Variants in DLGAP2 observed in about 807,000 individuals in gnomAD.
DLGAP2 encodes the protein disks large-associated protein 2.
DLGAP2 carries 26 observed loss-of-function variants against 100.3 expected under a neutral mutation model. That is an observed-to-expected ratio of 0.26 (90% CI 0.19 to 0.36). The LOEUF (loss-of-function observed/expected upper bound fraction) is 0.36, where lower values mean the gene tolerates loss of function less well. Ranked by LOEUF, DLGAP2 falls within the 10% of genes least tolerant of loss-of-function variation. The probability of loss-of-function intolerance (pLI) is 1.00; values close to 1 mark genes in which losing one functional copy is unlikely to be tolerated. For synonymous variants in DLGAP2, 886 were observed against 630.1 expected (o/e 1.41, Z -6.08); for missense variants, 1,858 against 1,453.2 (o/e 1.28, Z -4.53).
intron 8 of DLGAP2, among the ~76,000 whole-genome samples, chr8:1,642,751 G>A (rs368358315): frequency 5.6e-5 from 1 of 17,870 alleles, no homozygotes; most frequent in East Asian, 1.2e-3. Flanking sequence ...CGAACCCGCC[G>A]GCCCTCACCT....
chr8:1,045,488 A>G (rs1232278531), intron 2 of DLGAP2, among the ~76,000 whole-genome samples: 2 of 152,096 alleles, frequency 1.3e-5, no homozygotes, highest in African/African-American at 4.8e-5. Context: ...ACACACTATC[A>G]TTTTCTTGGA....
intron 2 of DLGAP2, among the ~76,000 whole-genome samples, chr8:998,086 C>T (rs777790007): frequency 1.3e-5 from 2 of 151,208 alleles, no homozygotes; most frequent in Non-Finnish European, 3.0e-5. Flanking sequence ...TGCACACACC[C>T]GTGTCTGCAC....
chr8:787,189 G>A (rs1258214980), intron 1 of DLGAP2, among the ~76,000 whole-genome samples: 1 of 152,134 alleles, frequency 6.6e-6, no homozygotes, highest in Non-Finnish European at 1.5e-5. Flanking sequence ...AGCCTCAGCT[G>A]GTCCTTCCTT....
chr8:1,264,953 C>T (rs1383006992), intron 3 of DLGAP2, among the ~76,000 whole-genome samples: 1 of 152,180 alleles, frequency 6.6e-6, no homozygotes, highest in African/African-American at 2.4e-5. Flanking sequence ...TGGTCTCTTG[C>T]CTGCTGCCAT....
intron 3 of DLGAP2, among the ~76,000 whole-genome samples, chr8:1,298,372 G>A (rs1030885899): frequency 9.2e-5 from 14 of 152,154 alleles, no homozygotes; most frequent in South Asian, 2.1e-4. Flanking sequence ...TGATGGCCCC[G>A]CACCTGGCAC....
intron 3 of DLGAP2, among the ~76,000 whole-genome samples, chr8:1,477,196 G>A (rs1373530083): frequency 2.0e-5 from 3 of 152,198 alleles, no homozygotes; most frequent in East Asian, 3.9e-4. Context: ...GGGTGGATGC[G>A]CACCTGTCCA....
intron 3 of DLGAP2, among the ~76,000 whole-genome samples, chr8:1,500,177 G>A (rs1291448623): frequency 6.6e-6 from 1 of 152,236 alleles, no homozygotes; most frequent in African/African-American, 2.4e-5. Flanking sequence ...TAAATAACAT[G>A]TTTACATGCA....
chr8:1,337,199 GTGA>G lies in DLGAP2; in HGVS notation c.106+78322_106+78324del, dbSNP rs1412911933. Among the ~76,000 whole-genome samples the G allele has an allele frequency of 1.3e-3, 88 of 67,114 alleles. 1 individual carries two copies. Among genetic ancestry groups the G allele is most frequent in the Admixed American group, 9.4e-3 (78 of 8,256 alleles). 44.0% of individuals were successfully genotyped at this position (67,114 alleles called of 152,430 possible). A position where few individuals can be genotyped will look rare whatever the true frequency, so the allele number is the denominator to read the frequency against. On this transcript the variant is annotated intron_variant, in intron 3 of 14. Coordinates refer to ENST00000637795, the MANE Select transcript of DLGAP2 (RefSeq NM_001346810.2). Reference sequence around the variant, plus strand: ...GATGATGGTGGTGGTGAGAATGATGGTGATGATGGTGATGATGATGAGGATGAT... The same window carrying G: ...GATGATGGTGGTGGTGAGAATGATGGTGATGGTGATGATGATGAGGATGAT...
At chr8:911,740 G>C (rs1424477282) in intron 2 of DLGAP2, among the ~76,000 whole-genome samples, 1 of 151,866 alleles carries the variant, frequency 6.6e-6, no homozygotes, top group African/African-American at 2.4e-5. Flanking sequence ...ATGTTGGAAG[G>C]ATGCTGGAGA....
chr8:1,481,041 G>A (rs1446447698), intron 3 of DLGAP2, among the ~76,000 whole-genome samples: 2 of 151,814 alleles, frequency 1.3e-5, no homozygotes, highest in Admixed American at 1.3e-4. Context: ...GCGTGGTGGC[G>A]GGTGCCTGTA....
chr8:1,323,857 A>AG (rs1381996177), intron 3 of DLGAP2, among the ~76,000 whole-genome samples: 1 of 152,198 alleles, frequency 6.6e-6, no homozygotes, highest in Admixed American at 6.5e-5. Flanking sequence ...TGGCTGTACT[A>AG]CTAGCTGAAA....
chr8:1,479,610 A>C (rs182583037), intron 3 of DLGAP2, among the ~76,000 whole-genome samples: 89 of 152,134 alleles, frequency 5.9e-4, no homozygotes, highest in African/African-American at 2.1e-3. Flanking sequence ...TGAAAGCAAT[A>C]AATGGTAGAG....
intron 1 of DLGAP2, among the ~76,000 whole-genome samples, chr8:790,118 G>A (rs560328941): frequency 7.6e-4 from 116 of 152,296 alleles, no homozygotes; most frequent in African/African-American, 2.6e-3. Context: ...AATTTGAGGA[G>A]AAAAGGTCAC....
At chr8:1,527,098 A>G (rs1313940908) in intron 4 of DLGAP2, among the ~76,000 whole-genome samples, 3 of 152,036 alleles carry the variant, frequency 2.0e-5, no homozygotes, top group African/African-American at 7.3e-5. Context: ...ACCCGTTACC[A>G]CAGCTTCACA....
rs913576541 is a variant in DLGAP2, at chr8:1,140,811, A to G, written c.74-118040A>G. The stretch of plus-strand genomic sequence containing the variant: ...AACAGGGTGAAACCCTGTCTCTACT[A>G]AAAATACAAAAATTAGCTAGGCGTG... On this transcript the variant is annotated intron_variant, in intron 2 of 14. Transcript: ENST00000637795. Among the ~76,000 whole-genome samples the G allele has an allele frequency of 5.3e-5, 8 of 152,258 alleles. No homozygotes were observed. The East Asian group carries it at 1.2e-3, about 22-fold the overall frequency.
Position 1,160,979 on chromosome 8 carries a change from G to A in DLGAP2, c.74-97872G>A, listed in dbSNP as rs1049993278. ...GGCAAAAATAGCCACCAAGATGTTG[G>A]TGAATGTATTTCATAATTGGATACT... On this transcript the variant is annotated intron_variant, in intron 2 of 14. Transcript: ENST00000637795. Among the ~76,000 whole-genome samples, 3 of 152,170 alleles carry A rather than the reference G, an allele frequency of 2.0e-5. No homozygotes were observed. The East Asian group carries it at 5.8e-4, about 29-fold the overall frequency.
intron 1 of DLGAP2, among the ~76,000 whole-genome samples, chr8:758,561 C>A (rs1820978413): frequency 6.6e-6 from 1 of 152,052 alleles, no homozygotes; most frequent in South Asian, 2.1e-4. Flanking sequence ...TAAAGACTTC[C>A]TTTTCTGAAA....
rs1469146929 is a variant in DLGAP2 at position 986,662 on chromosome 8, A to T, written c.73+78696A>T. On this transcript the variant is annotated intron_variant, in intron 2 of 14. Transcript: ENST00000637795. ...CACTGCATGTCAAACACTGTATTTG[A>T]TTTTTTTTTTTTTTTGAGACAGAGT... Among the ~76,000 whole-genome samples, 9 of 144,472 alleles carry T rather than the reference A, an allele frequency of 6.2e-5. No homozygotes were observed. In the East Asian group the frequency reaches 1.7e-3, roughly 27 times the overall value. The allele number at this position is 144,472 out of a possible 152,430, so 94.8% of individuals were successfully genotyped here. A position where few individuals can be genotyped will look rare whatever the true frequency, so the allele number is the denominator to read the frequency against.
At chr8:1,031,629 G>C (rs986445013) in intron 2 of DLGAP2, among the ~76,000 whole-genome samples, 1 of 152,056 alleles carries the variant, frequency 6.6e-6, no homozygotes, top group African/African-American at 2.4e-5. Context: ...CAAGCCGGTT[G>C]TGAAACTTCT....
Sources: allele counts gnomAD v4.1 joint callset (sites outside exome capture counted in the v4.1 genomes callset), GRCh38; gene constraint gnomAD v4.1.1; transcripts MANE v1.5; gene names NCBI Gene and HGNC (gene_info 2026-07-23, HGNC 2026-07-21).